CCR3: variants seen among roughly 807,000 people sequenced by gnomAD.
The protein encoded by CCR3 is C-C chemokine receptor type 3.
For synonymous variants in CCR3, 203 were observed against 179.2 expected, an observed-to-expected ratio of 1.13 and a Z score of -1.06; for missense variants, 419 against 437.5, an observed-to-expected ratio of 0.96 and a Z score of 0.38.
chr3:46,236,079 G>A (rs916310442), intron 2 of CCR3, among the ~76,000 whole-genome samples: 1 of 152,132 alleles, frequency 6.6e-6, no homozygotes, highest in Non-Finnish European at 1.5e-5. Flanking sequence ...ATGATGTATG[G>A]TTTGCAATAC....
intron 2 of CCR3, among the ~76,000 whole-genome samples, chr3:46,234,399 G>A (rs1700001301): frequency 6.6e-6 from 1 of 152,138 alleles, no homozygotes; most frequent in Non-Finnish European, 1.5e-5. Flanking sequence ...AGAAAGCCCA[G>A]GGGAGATCCT....
At chr3:46,218,682 G>A (rs1419826844) in intron 2 of CCR3, among the ~76,000 whole-genome samples, 1 of 152,076 alleles carries the variant, frequency 6.6e-6, no homozygotes, top group East Asian at 1.9e-4. Context: ...ACATATGTAA[G>A]TCAATAAATG....
Position 46,266,653 on chromosome 3 carries a change from C to T in CCR3, c.*427C>T, listed in dbSNP as rs745803543. The T allele has an allele frequency of 5.8e-6, 1 of 171,750 alleles. No individual in the cohort carries two copies. Among genetic ancestry groups the T allele is most frequent in the East Asian group, 1.9e-4 (1 of 5,304 alleles). The allele number at this position is 171,750 out of a possible 1,614,324, so 10.6% of individuals were successfully genotyped here. On this transcript the variant is annotated 3_prime_UTR_variant, in exon 2 of 2. Coordinates refer to ENST00000395940, the MANE Select transcript of CCR3 (RefSeq NM_178329.3). Reference sequence around the variant, plus strand: ...ATTTTCTAATGTGCCTAGTTCTTTCCCTGCTTAATGAAAAGCTTGTTTTTT... The same window carrying T: ...ATTTTCTAATGTGCCTAGTTCTTTCTCTGCTTAATGAAAAGCTTGTTTTTT...
intron 2 of CCR3, among the ~76,000 whole-genome samples, chr3:46,225,542 G>A (rs1699885253): frequency 6.6e-6 from 1 of 152,186 alleles, no homozygotes; most frequent in Admixed American, 6.5e-5. Flanking sequence ...TGCAAAGTAT[G>A]AGTGATTCAT....
chr3:46,211,320 T>A (rs1255376806), intron 2 of CCR3, among the ~76,000 whole-genome samples: 1 of 151,006 alleles, frequency 6.6e-6, no homozygotes, highest in Non-Finnish European at 1.5e-5. Flanking sequence ...CACTTCAGTC[T>A]CCTAAGTAGC....
At chr3:46,240,834 G>A (rs902883640), upstream of CCR3, among the ~76,000 whole-genome samples, 4 of 152,130 alleles carry the variant, frequency 2.6e-5, no homozygotes, top group Non-Finnish European at 4.4e-5. Flanking sequence ...GCTTGCCCAC[G>A]GTGATATCCC....
At chr3:46,235,298 A>C (rs1351776674) in intron 2 of CCR3, among the ~76,000 whole-genome samples, 1 of 152,196 alleles carries the variant, frequency 6.6e-6, no homozygotes, top group Admixed American at 6.5e-5. Flanking sequence ...CCAGAAGACT[A>C]AGTAGGCAAT....
intron 2 of CCR3, among the ~76,000 whole-genome samples, chr3:46,225,178 G>C (rs1699879994): frequency 6.6e-6 from 1 of 152,180 alleles, no homozygotes; most frequent in Admixed American, 6.5e-5. Flanking sequence ...CTGATCAGCA[G>C]TGATAGAAAT....
intron 2 of CCR3, among the ~76,000 whole-genome samples, chr3:46,234,276 G>A (rs1012875286): frequency 1.2e-4 from 19 of 152,310 alleles, no homozygotes; most frequent in African/African-American, 4.6e-4. Context: ...TTCTAACAGT[G>A]CATGCTTTTA....
At chr3:46,220,600 A>C (rs1699825605) in intron 2 of CCR3, among the ~76,000 whole-genome samples, 1 of 152,216 alleles carries the variant, frequency 6.6e-6, no homozygotes, top group South Asian at 2.1e-4. Context: ...ATGGAACCAA[A>C]GTAAATGTCC....
At chr3:46,247,549 G>A (rs1700220969) in intron 1 of CCR3, among the ~76,000 whole-genome samples, 1 of 152,098 alleles carries the variant, frequency 6.6e-6, no homozygotes, top group South Asian at 2.1e-4. Context: ...GGACTATAAG[G>A]GATATAAAGG....
intron 2 of CCR3, among the ~76,000 whole-genome samples, chr3:46,231,715 G>A (rs1242281312): frequency 2.0e-5 from 3 of 152,122 alleles, no homozygotes; most frequent in African/African-American, 7.2e-5. Flanking sequence ...GGTTTCACAG[G>A]GGTATATTTC....
chr3:46,240,595 A>T (rs977961323), upstream of CCR3, among the ~76,000 whole-genome samples: 3 of 152,206 alleles, frequency 2.0e-5, no homozygotes, highest in Non-Finnish European at 4.4e-5. Flanking sequence ...ATGCTGAATC[A>T]GAGCACAATA....
intron 1 of CCR3, among the ~76,000 whole-genome samples, chr3:46,246,378 G>C (rs1416755295): frequency 1.3e-5 from 2 of 152,160 alleles, no homozygotes; most frequent in African/African-American, 4.8e-5. Flanking sequence ...AAGAGAGTCA[G>C]CGAAGGGAGA....
chr3:46,261,974 C>G (rs1041900186), intron 1 of CCR3, among the ~76,000 whole-genome samples: 1 of 152,156 alleles, frequency 6.6e-6, no homozygotes, highest in Non-Finnish European at 1.5e-5. Context: ...AAAGGCTCAG[C>G]GTTGGAACCA....
intron 2 of CCR3, among the ~76,000 whole-genome samples, chr3:46,220,890 G>A (rs910444124): frequency 1.3e-5 from 2 of 152,116 alleles, no homozygotes; most frequent in Admixed American, 6.5e-5. Flanking sequence ...AAGACTACAC[G>A]CTGGGTGCAG....
At chr3:46,211,962 A>G (rs2125921944) in intron 2 of CCR3, among the ~76,000 whole-genome samples, 1 of 152,088 alleles carries the variant, frequency 6.6e-6, no homozygotes, top group East Asian at 1.9e-4. Flanking sequence ...CTGATTCCTT[A>G]ATTTGATACC....
intron 1 of CCR3, among the ~76,000 whole-genome samples, chr3:46,257,088 C>T (rs553528945): frequency 3.6e-4 from 55 of 152,074 alleles, no homozygotes; most frequent in Non-Finnish European, 6.9e-4. Flanking sequence ...AACTCCACTA[C>T]TGAAAATGAT....
chr3:46,257,935 G>C (rs1388463376), intron 1 of CCR3, among the ~76,000 whole-genome samples: 1 of 152,186 alleles, frequency 6.6e-6, no homozygotes, highest in African/African-American at 2.4e-5. Flanking sequence ...TAGTTCAAAG[G>C]CTGGTGAGCC....
Sources: allele counts gnomAD v4.1 joint callset (sites outside exome capture counted in the v4.1 genomes callset), GRCh38; gene constraint gnomAD v4.1.1; transcripts MANE v1.5; gene names NCBI Gene and HGNC (gene_info 2026-07-23, HGNC 2026-07-21).